RIT2: variants seen among roughly 807,000 people sequenced by gnomAD.
The protein encoded by RIT2 is GTP-binding protein Rit2.
Under a neutral mutation model 23.7 loss-of-function variants are expected in RIT2, and 24 were observed. The observed-to-expected ratio is 1.01, with a 90% CI of 0.73 to 1.43. The LOEUF is 1.43. Ranked by LOEUF, RIT2 falls within the 40% of genes most tolerant of loss-of-function variation. RIT2 has a pLI of 0.00. For synonymous variants in RIT2, 107 were observed against 91.1 expected (o/e 1.17, Z -0.99); for missense variants, 236 against 266.9 (o/e 0.88, Z 0.81).
At chr18:43,037,694 T>C (rs1336356488) in intron 1 of RIT2, among the ~76,000 whole-genome samples, 1 of 152,122 alleles carries the variant, frequency 6.6e-6, no homozygotes, top group Admixed American at 6.5e-5. Context: ...TACATATATA[T>C]TTATGATAGA....
At chr18:42,896,470 G>A (rs938307643) in intron 4 of RIT2, among the ~76,000 whole-genome samples, 6 of 152,062 alleles carry the variant, frequency 3.9e-5, no homozygotes, top group African/African-American at 7.2e-5. Flanking sequence ...TGCTCATCAC[G>A]TTTTGAAAGA....
intron 1 of RIT2, among the ~76,000 whole-genome samples, chr18:43,048,631 G>A (rs1912306585): frequency 6.6e-6 from 1 of 152,096 alleles, no homozygotes; most frequent in African/African-American, 2.4e-5. Flanking sequence ...GTAAGTTCTT[G>A]ATAAACATTT....
At chr18:43,112,900 T>A (rs1329100198) in intron 1 of RIT2, among the ~76,000 whole-genome samples, 1 of 152,178 alleles carries the variant, frequency 6.6e-6, no homozygotes, top group Non-Finnish European at 1.5e-5. Context: ...TGCATCTTCT[T>A]TAGTTTCTTC....
At chr18:42,957,643 G>C (rs1910003399) in intron 3 of RIT2, among the ~76,000 whole-genome samples, 1 of 152,100 alleles carries the variant, frequency 6.6e-6, no homozygotes, top group South Asian at 2.1e-4. Context: ...AATTAGCCAG[G>C]CATGGTGGCA....
intron 3 of RIT2, among the ~76,000 whole-genome samples, chr18:42,945,421 A>C (rs970297923): frequency 2.0e-5 from 3 of 152,078 alleles, no homozygotes; most frequent in African/African-American, 7.2e-5. Flanking sequence ...ATTTAGGCAC[A>C]GGGCTCTTCT....
intron 1 of RIT2, among the ~76,000 whole-genome samples, chr18:43,092,672 A>C (rs1010459744): frequency 6.6e-6 from 1 of 152,070 alleles, no homozygotes; most frequent in African/African-American, 2.4e-5. Flanking sequence ...ATTAACTGTT[A>C]TCGAGACAGA....
At chr18:43,062,869 T>C (rs1209630282) in intron 1 of RIT2, among the ~76,000 whole-genome samples, 1 of 152,138 alleles carries the variant, frequency 6.6e-6, no homozygotes, top group Non-Finnish European at 1.5e-5. Context: ...GATAAAGGCA[T>C]TCTAACAGAA....
At position 43,011,410 on chromosome 18, in the gene RIT2, G is replaced by A. The variant is rs187670427; in HGVS notation, c.160+22401C>T. Among the ~76,000 whole-genome samples, 103 of 151,920 alleles carry A rather than the reference G, an allele frequency of 6.8e-4. 1 individual carries two copies. The highest frequency in any genetic ancestry group is 2.6e-3 in the Admixed American group (39 of 15,238). ...AGCTATATGGAAGACAGATCAGAGT[G>A]AGACAAGACAAAGAAGTGGAGGGGA... On this transcript the variant is annotated intron_variant, in intron 2 of 4. Transcript: ENST00000326695.
chr18:42,968,310 A>G (rs555556972), intron 3 of RIT2, among the ~76,000 whole-genome samples: 12 of 152,322 alleles, frequency 7.9e-5, no homozygotes, highest in Middle Eastern at 3.4e-3. Flanking sequence ...ATGAAATTCA[A>G]TGCTACCATA....
At chr18:42,802,313 G>T (rs1905561414) in intron 4 of RIT2, among the ~76,000 whole-genome samples, 1 of 152,140 alleles carries the variant, frequency 6.6e-6, no homozygotes, top group Middle Eastern at 3.2e-3. Context: ...TGCTCAGCAT[G>T]AACGAACAGT....
chr18:43,038,164 C>T (rs1362940555), intron 1 of RIT2, among the ~76,000 whole-genome samples: 2 of 140,626 alleles, frequency 1.4e-5, no homozygotes, highest in African/African-American at 5.3e-5. Flanking sequence ...GAGATTGCGC[C>T]ACTGCACTCC....
chr18:43,111,896 T>C (rs1913962629), intron 1 of RIT2, among the ~76,000 whole-genome samples: 1 of 152,138 alleles, frequency 6.6e-6, no homozygotes, highest in Non-Finnish European at 1.5e-5. Context: ...ATGCCTCAGT[T>C]TGGCCATTGT....
intron 1 of RIT2, among the ~76,000 whole-genome samples, chr18:43,061,176 C>A (rs1384722970): frequency 6.6e-6 from 1 of 152,106 alleles, no homozygotes; most frequent in African/African-American, 2.4e-5. Context: ...GTCCTCTCAA[C>A]CATTTTATGA....
intron 4 of RIT2, among the ~76,000 whole-genome samples, chr18:42,799,231 C>T (rs1254953102): frequency 6.6e-6 from 1 of 152,156 alleles, no homozygotes; most frequent in Admixed American, 6.5e-5. Context: ...GCAATCCTTT[C>T]ATGAAGTTGC....
At chr18:42,874,938 C>T (rs1907707562) in intron 4 of RIT2, among the ~76,000 whole-genome samples, 1 of 152,046 alleles carries the variant, frequency 6.6e-6, no homozygotes. Context: ...ATGTATTCCT[C>T]TGAAATTGAA....
At chr18:42,994,217 C>A (rs952748400) in intron 2 of RIT2, among the ~76,000 whole-genome samples, 2 of 152,170 alleles carry the variant, frequency 1.3e-5, no homozygotes, top group Non-Finnish European at 2.9e-5. Context: ...CCAGGCTCAG[C>A]AAATTACCTG....
At chr18:42,938,931 G>T (rs1051560113) in intron 3 of RIT2, among the ~76,000 whole-genome samples, 1 of 151,788 alleles carries the variant, frequency 6.6e-6, no homozygotes, top group African/African-American at 2.4e-5. Flanking sequence ...TTTTTGATAG[G>T]GATGGCATCT....
intron 4 of RIT2, among the ~76,000 whole-genome samples, chr18:42,878,046 T>A (rs1288724669): frequency 6.6e-6 from 1 of 151,464 alleles, no homozygotes; most frequent in Non-Finnish European, 1.5e-5. Context: ...TGGTCCCAAG[T>A]ATTTCGGATA....
intron 4 of RIT2, among the ~76,000 whole-genome samples, chr18:42,805,979 G>A (rs981038423): frequency 5.3e-5 from 8 of 151,652 alleles, no homozygotes; most frequent in African/African-American, 1.7e-4. Context: ...ACCATTTAAC[G>A]ACACAAGTAC....
Sources: allele counts gnomAD v4.1 joint callset (sites outside exome capture counted in the v4.1 genomes callset), GRCh38; gene constraint gnomAD v4.1.1; transcripts MANE v1.5; gene names NCBI Gene and HGNC (gene_info 2026-07-23, HGNC 2026-07-21).